ARHGAP24: variants seen among roughly 807,000 people sequenced by gnomAD.
The protein encoded by ARHGAP24 is Rho GTPase activating protein 24.
In ARHGAP24, 50 loss-of-function variants were observed where a neutral mutation model predicts 76.4. That is an observed-to-expected ratio of 0.65 (90% confidence interval 0.52 to 0.83). ARHGAP24 has a LOEUF of 0.83. Ranked by LOEUF, ARHGAP24 falls within the 40% of genes least tolerant of loss-of-function variation. The probability of loss-of-function intolerance (pLI) is 0.00; values close to 1 mark genes in which losing one functional copy is unlikely to be tolerated. For synonymous variants in ARHGAP24, 345 were observed against 323.3 expected (o/e 1.07, Z -0.72); for missense variants, 930 against 914.2 (o/e 1.02, Z -0.22).
intron 1 of ARHGAP24, among the ~76,000 whole-genome samples, chr4:85,502,453 G>T (rs940985409): frequency 1.3e-5 from 2 of 152,096 alleles, no homozygotes; most frequent in Non-Finnish European, 2.9e-5. Flanking sequence ...CTTGTAAGTT[G>T]GATTCCTAGG....
At position 86,001,633 on chromosome 4, in the gene ARHGAP24, A is replaced by T. The variant is rs1475928961; in HGVS notation, c.*911A>T. 2.6e-6 allele frequency: 1 copy of T among 390,642 alleles called. No individual in the cohort carries two copies. Among genetic ancestry groups the T allele is most frequent in the Non-Finnish European group, 4.5e-6 (1 of 221,796 alleles). The allele number at this position is 390,642 out of a possible 1,614,324, so 24.2% of individuals were successfully genotyped here. On this transcript the variant is annotated 3_prime_UTR_variant, in exon 10 of 10. Transcript: ENST00000395184. Reference sequence around the variant, plus strand: ...AAACAATGCTTGCTAAACCATGCCCACGTGAGCACCTGTCTCCCACTCAAA... The same window carrying T: ...AAACAATGCTTGCTAAACCATGCCCTCGTGAGCACCTGTCTCCCACTCAAA...
chr4:85,643,870 G>T (rs1560566574), intron 2 of ARHGAP24, among the ~76,000 whole-genome samples: 2 of 152,152 alleles, frequency 1.3e-5, no homozygotes, highest in East Asian at 3.9e-4. Context: ...CTGTGTGTTT[G>T]AGTCTCCCAA....
intron 3 of ARHGAP24, among the ~76,000 whole-genome samples, chr4:85,772,743 T>C (rs1263835234): frequency 2.6e-5 from 4 of 152,246 alleles, no homozygotes; most frequent in Non-Finnish European, 5.9e-5. Flanking sequence ...CAATTGTTTA[T>C]GTATTGAATC....
chr4:85,711,356 A>G (rs747226312), intron 2 of ARHGAP24, among the ~76,000 whole-genome samples: 3 of 152,114 alleles, frequency 2.0e-5, no homozygotes, highest in Non-Finnish European at 4.4e-5. Context: ...AAACCCGGAC[A>G]CGTACCCCTG....
chr4:85,872,014 G>A (rs927484234), intron 3 of ARHGAP24, among the ~76,000 whole-genome samples: 1 of 151,124 alleles, frequency 6.6e-6, no homozygotes, highest in African/African-American at 2.4e-5. Flanking sequence ...AAGATCTAGT[G>A]TGCACCATAT....
At chr4:85,650,260 A>C (rs1243370099) in intron 2 of ARHGAP24, among the ~76,000 whole-genome samples, 1 of 149,752 alleles carries the variant, frequency 6.7e-6, no homozygotes. Context: ...TCTTGGGCAA[A>C]ACTTTAGAAA....
chr4:85,852,095 G>A (rs1011151755), intron 3 of ARHGAP24, among the ~76,000 whole-genome samples: 6 of 152,156 alleles, frequency 3.9e-5, no homozygotes, highest in African/African-American at 1.4e-4. Flanking sequence ...CCAATCAAAC[G>A]TAGATTTGAT....
At chr4:85,614,439 G>T (rs1439780815) in intron 2 of ARHGAP24, among the ~76,000 whole-genome samples, 1 of 151,934 alleles carries the variant, frequency 6.6e-6, no homozygotes, top group Non-Finnish European at 1.5e-5. Context: ...CGCATCTAGA[G>T]GAATTGCCTT....
In ARHGAP24 at chr4:85,564,924, GTATATATATATATATATATATA is replaced by G. The variant is rs3028011; in HGVS notation, c.-20-5573_-20-5552del. ...CCCTGCTCTAGGCAGAACACACACG[GTATATATATATATATATATATA>G]TATATATATATATATATATATATAC... On this transcript the variant is annotated intron_variant, in intron 1 of 9. Transcript: ENST00000395184. Among the ~76,000 whole-genome samples the G allele has an allele frequency of 9.8e-3, 520 of 53,258 alleles. 10 individuals carry two copies. The highest frequency in any genetic ancestry group is 0.02 in the East Asian group (13 of 654). The allele number at this position is 53,258 out of a possible 152,430, so 34.9% of individuals were successfully genotyped here.
At chr4:85,937,408 C>G (rs17011235) in intron 4 of ARHGAP24, among the ~76,000 whole-genome samples, 9,075 of 152,138 alleles carry the variant, frequency 0.06, 900 homozygotes, top group African/African-American at 0.21. Flanking sequence ...ATTGAGCTAT[C>G]CATATTGAAG....
chr4:85,541,787 A>C (rs572054993), intron 1 of ARHGAP24, among the ~76,000 whole-genome samples: 139 of 152,284 alleles, frequency 9.1e-4, no homozygotes, highest in Non-Finnish European at 1.7e-3. Context: ...AAAAAACAGA[A>C]GAAGGAGTGA....
intron 3 of ARHGAP24, among the ~76,000 whole-genome samples, chr4:85,743,474 A>G (rs147236914): frequency 6.8e-6 from 1 of 146,560 alleles, no homozygotes; most frequent in African/African-American, 2.5e-5. Context: ...AGGGTGAGGC[A>G]GGAGGATCAC....
intron 2 of ARHGAP24, among the ~76,000 whole-genome samples, chr4:85,706,000 C>T (rs187717550): frequency 6.6e-6 from 1 of 152,258 alleles, no homozygotes; most frequent in Admixed American, 6.5e-5. Context: ...ATAGGATATT[C>T]TCAGCCAATG....
intron 3 of ARHGAP24, among the ~76,000 whole-genome samples, chr4:85,731,372 G>T (rs893295815): frequency 1.3e-5 from 2 of 152,164 alleles, no homozygotes; most frequent in South Asian, 4.1e-4. Flanking sequence ...TAGATTGGAA[G>T]CTCTTGAGAA....
At chr4:85,957,582 C>T (rs1015786146) in intron 5 of ARHGAP24, among the ~76,000 whole-genome samples, 1 of 152,134 alleles carries the variant, frequency 6.6e-6, no homozygotes. Context: ...AGTCAATATC[C>T]TGTTTCTGTG....
chr4:85,947,551 A>T (rs929419017), intron 5 of ARHGAP24, among the ~76,000 whole-genome samples: 1 of 152,206 alleles, frequency 6.6e-6, no homozygotes, highest in African/African-American at 2.4e-5. Context: ...AAGCATTTAG[A>T]CCATAGTACA....
In ARHGAP24 at chr4:85,919,346, G is replaced by T. The variant is rs140525848; in HGVS notation, c.269-4302G>T. Among the ~76,000 whole-genome samples the T allele has an allele frequency of 5.6e-4, 86 of 152,246 alleles. 1 individual carries two copies. Among genetic ancestry groups the T allele is most frequent in the African/African-American group, 2.0e-3 (83 of 41,544 alleles). On this transcript the variant is annotated intron_variant, in intron 3 of 9. Coordinates refer to ENST00000395184, the MANE Select transcript of ARHGAP24 (RefSeq NM_001025616.3). ...GCAGTGCCAGGCTCTTAGAACTGAG[G>T]GGTTATGCATTAGAACAGATGGCAC...
chr4:85,828,412 G>A (rs1037637023), intron 3 of ARHGAP24, among the ~76,000 whole-genome samples: 2 of 152,014 alleles, frequency 1.3e-5, no homozygotes, highest in African/African-American at 4.8e-5. Flanking sequence ...AGAGTAGAGT[G>A]CCTTAGGATT....
At chr4:85,683,110 G>GTGT (rs1163532628) in intron 2 of ARHGAP24, among the ~76,000 whole-genome samples, 38 of 95,774 alleles carry the variant, frequency 4.0e-4, no homozygotes, top group African/African-American at 1.2e-3. Context: ...CTCAGTGTGT[G>GTGT]GGGGGGTGGG....
Sources: allele counts gnomAD v4.1 joint callset (sites outside exome capture counted in the v4.1 genomes callset), GRCh38; gene constraint gnomAD v4.1.1; transcripts MANE v1.5; gene names NCBI Gene and HGNC (gene_info 2026-07-23, HGNC 2026-07-21).